The following SLC30A8 variants were observed in gnomAD, a reference collection of about 807,000 sequenced individuals.
SLC30A8 encodes solute carrier family 30 member 8, also known as proton-coupled zinc antiporter SLC30A8.
A neutral mutation model predicts 36.9 loss-of-function variants in SLC30A8; 27 were observed. The observed-to-expected ratio is 0.73, with a 90% CI of 0.54 to 1.01. The LOEUF is 1.01. SLC30A8 is among the 50% of genes least tolerant of loss of function. The pLI is 0.00. For synonymous variants in SLC30A8, 164 were observed against 172.4 expected (o/e 0.95, Z 0.38); for missense variants, 439 against 452.0 (o/e 0.97, Z 0.26).
chr8:117,108,291 G>A (rs1326602722), intron 2 of SLC30A8, among the ~76,000 whole-genome samples: 2 of 152,136 alleles, frequency 1.3e-5, no homozygotes, highest in Non-Finnish European at 2.9e-5. Flanking sequence ...TATTTAAGTG[G>A]ATAGATTAAA....
At chr8:117,035,832 T>C (rs1352492260) in intron 1 of SLC30A8, among the ~76,000 whole-genome samples, 1 of 152,200 alleles carries the variant, frequency 6.6e-6, no homozygotes, top group Non-Finnish European at 1.5e-5. Flanking sequence ...TGCCAAGGCT[T>C]GGAGCTTGCA....
At chr8:117,144,358 C>A (rs1229203861) in intron 1 of SLC30A8, among the ~76,000 whole-genome samples, 1 of 152,130 alleles carries the variant, frequency 6.6e-6, no homozygotes, top group Non-Finnish European at 1.5e-5. Flanking sequence ...TGATAAAAAA[C>A]CAATGTTGTA....
At chr8:117,038,920 A>G (rs2130753014) in intron 1 of SLC30A8, among the ~76,000 whole-genome samples, 1 of 152,310 alleles carries the variant, frequency 6.6e-6, no homozygotes, top group South Asian at 2.1e-4. Context: ...TTTATGAATC[A>G]TTTCTTGTTG....
chr8:116,999,955 C>G (rs577481189), intron 1 of SLC30A8, among the ~76,000 whole-genome samples: 1 of 152,108 alleles, frequency 6.6e-6, no homozygotes, highest in African/African-American at 2.4e-5. Context: ...GAAAGTAGGT[C>G]CCAGGAAGCC....
chr8:117,156,123 T>G (rs1822471221), intron 3 of SLC30A8, among the ~76,000 whole-genome samples: 1 of 151,822 alleles, frequency 6.6e-6, no homozygotes, highest in African/African-American at 2.4e-5. Flanking sequence ...CATTGCAACC[T>G]CCACCTCCCC....
chr8:117,147,386 A>C (rs1219029870), intron 2 of SLC30A8, among the ~76,000 whole-genome samples: 1 of 152,192 alleles, frequency 6.6e-6, no homozygotes, highest in African/African-American at 2.4e-5. Flanking sequence ...TGTACAATGC[A>C]TTTTGTATTC....
chr8:117,152,347 A>AT (rs1822230444), intron 2 of SLC30A8, among the ~76,000 whole-genome samples: 1 of 152,188 alleles, frequency 6.6e-6, no homozygotes, highest in Non-Finnish European at 1.5e-5. Context: ...CTTACATTGC[A>AT]TCCCTATGCT....
At chr8:117,074,829 G>A (rs115637222) in intron 2 of SLC30A8, among the ~76,000 whole-genome samples, 281 of 152,058 alleles carry the variant, frequency 1.8e-3, no homozygotes, top group African/African-American at 6.5e-3. Context: ...AGTAAGATCC[G>A]TTTATCTGCC....
chr8:116,989,242 G>A (rs890438209), intron 1 of SLC30A8, among the ~76,000 whole-genome samples: 2 of 152,158 alleles, frequency 1.3e-5, no homozygotes, highest in African/African-American at 4.8e-5. Flanking sequence ...CAAATTTGTG[G>A]TGGTGTTTTT....
At chr8:116,962,485 T>C (rs924701402) in intron 1 of SLC30A8, among the ~76,000 whole-genome samples, 1 of 152,020 alleles carries the variant, frequency 6.6e-6, no homozygotes, top group East Asian at 1.9e-4. Context: ...TTCTCCTCAA[T>C]CCGTCCCCAA....
At chr8:116,961,598 G>A (rs1233651506) in intron 1 of SLC30A8, among the ~76,000 whole-genome samples, 2 of 151,960 alleles carry the variant, frequency 1.3e-5, no homozygotes, top group Non-Finnish European at 2.9e-5. Context: ...TGCTATAACA[G>A]AATACCACAG....
At chr8:117,128,585 A>G (rs1015784661) in intron 2 of SLC30A8, 2 of 152,008 alleles carry the variant, frequency 1.3e-5, no homozygotes, top group Non-Finnish European at 2.9e-5. Context: ...CTTGCTGCCC[A>G]CTGTCTACAC....
At chr8:117,007,183 A>T (rs1293028535) in intron 1 of SLC30A8, 1 of 151,552 alleles carries the variant, frequency 6.6e-6, no homozygotes, top group African/African-American at 2.4e-5. Context: ...TGAAAAATGT[A>T]CCTATAGGTA....
intron 1 of SLC30A8, among the ~76,000 whole-genome samples, chr8:116,976,411 G>A (rs1337804161): frequency 6.6e-6 from 1 of 152,098 alleles, no homozygotes; most frequent in Non-Finnish European, 1.5e-5. Flanking sequence ...GGAACTGATT[G>A]GAAGAAAATA....
At chr8:117,005,182 C>G (rs998528719) in intron 1 of SLC30A8, among the ~76,000 whole-genome samples, 2 of 152,206 alleles carry the variant, frequency 1.3e-5, no homozygotes, top group Admixed American at 6.5e-5. Context: ...CCCGTTCCCT[C>G]TCCCTCTGAC....
chr8:117,020,635 T>C (rs755854170), intron 1 of SLC30A8, among the ~76,000 whole-genome samples: 1 of 151,600 alleles, frequency 6.6e-6, no homozygotes, highest in Non-Finnish European at 1.5e-5. Flanking sequence ...TGGGGAATTG[T>C]TGAATAAATT....
intron 1 of SLC30A8, among the ~76,000 whole-genome samples, chr8:116,954,356 T>G (rs1814111759): frequency 6.6e-6 from 1 of 152,006 alleles, no homozygotes; most frequent in Non-Finnish European, 1.5e-5. Context: ...TGGAAGAAAT[T>G]AACTAAAACC....
chr8:117,033,934 C>A (rs1220424001), intron 1 of SLC30A8, among the ~76,000 whole-genome samples: 3 of 152,150 alleles, frequency 2.0e-5, no homozygotes, highest in Non-Finnish European at 2.9e-5. Flanking sequence ...CTAAAAAAGG[C>A]AACAAAATAC....
At chr8:117,035,497 G>T (rs1223719432) in intron 1 of SLC30A8, among the ~76,000 whole-genome samples, 2 of 152,134 alleles carry the variant, frequency 1.3e-5, no homozygotes, top group South Asian at 2.1e-4. Flanking sequence ...GCTCCTTCAC[G>T]GTCTGACATT....
Sources: allele counts gnomAD v4.1 joint callset (sites outside exome capture counted in the v4.1 genomes callset), GRCh38; gene constraint gnomAD v4.1.1; transcripts MANE v1.5; gene names NCBI Gene and HGNC (gene_info 2026-07-23, HGNC 2026-07-21).